TPM2: variants seen among roughly 807,000 people sequenced by gnomAD.
TPM2 encodes the protein tropomyosin 2, also known as tropomyosin beta chain.
Under a neutral mutation model 41.0 loss-of-function variants are expected in TPM2, and 26 were observed. The ratio of observed to expected loss-of-function variants is 0.63; its 90% CI spans 0.46 to 0.88. The LOEUF is 0.88. TPM2 is among the 40% of genes least tolerant of loss of function. The pLI is 0.00. For missense variants in TPM2, 187 were observed against 355.2 expected, an observed-to-expected ratio of 0.53 and a Z score of 3.81; for synonymous variants, 143 against 139.3, an observed-to-expected ratio of 1.03 and a Z score of -0.19.
chr9:35,689,007 G>A, intron 2 of TPM2, 139 bp downstream of exon 2: 1 of 1,018,756 alleles, frequency 9.8e-7, no homozygotes, highest in East Asian at 2.4e-5. Context: ...CCCTAGCCCT[G>A]GTTACTGAGA....
In TPM2 at chr9:35,689,827, G is replaced by C. The variant is rs372751531; in HGVS notation, c.-10C>G. On this transcript the variant is annotated 5_prime_UTR_variant, in exon 1 of 9. Coordinates refer to ENST00000645482, the MANE Select transcript of TPM2 (RefSeq NM_003289.4). Reference sequence around the variant, plus strand: ...TCTTGATGGCGTCCATGGCTGCGGTGGGGGGTGGGCCGGCCGGCAGGCGGT... The same window carrying C: ...TCTTGATGGCGTCCATGGCTGCGGTCGGGGGTGGGCCGGCCGGCAGGCGGT... 272 of 1,612,624 alleles carry C rather than the reference G, an allele frequency of 1.7e-4. No individual in the cohort carries two copies. In the South Asian group the frequency reaches 2.8e-3, roughly 17 times the overall value.
chr9:35,684,551 CT>C lies in TPM2; in HGVS notation c.640-2del. ...CATATTTATCTTCTTTGGTGGAATA[CT>C]TTTGGGGACACACACACGCCATCAG... On this transcript the variant is annotated splice_acceptor_variant, in intron 6 of 8. Transcript: ENST00000645482. LOFTEE classifies it high-confidence loss of function. The C allele has an allele frequency of 1.2e-6, 2 of 1,614,138 alleles. No homozygotes were observed. The highest frequency in any genetic ancestry group is 1.7e-6 in the Non-Finnish European group (2 of 1,180,008).
chr9:35,685,441 T>C lies in TPM2; in HGVS notation c.485A>G (p.Tyr162Cys). The change falls in exon 4 of 9, where the codon TAT becomes TGT. Residue 162 changes from tyrosine (Y) to cysteine (C), a missense_variant. Transcript: ENST00000645482. The surrounding 1 kb of genome is among the most constrained non-coding windows in gnomAD (Gnocchi z 5.0). ...GAGGGGCAAGGCTGTCACCTCTTCA[T>C]ATTTGCGGTCTGAATCCTCAGCGAT... The part of the protein sequence containing the change: ...KHIAEDSDRK[Y>C]EEVARKLVIL... 1 of 1,614,214 alleles carries C rather than the reference T, an allele frequency of 6.2e-7. No individual in the cohort carries two copies. The highest frequency in any genetic ancestry group is 8.5e-7 in the Non-Finnish European group (1 of 1,180,030).
chr9:35,689,909 G>A lies in TPM2; in HGVS notation c.-92C>T, dbSNP rs886063906. 1 of 1,603,622 alleles carries A rather than the reference G, an allele frequency of 6.2e-7. No homozygotes were observed. Among genetic ancestry groups the A allele is most frequent in the Non-Finnish European group, 8.5e-7 (1 of 1,177,196 alleles). On this transcript the variant is annotated 5_prime_UTR_variant, in exon 1 of 9. Transcript: ENST00000645482. ...ACTGGGTGCACCGGTGGCAGGCGAGGAGGACGGAGCGGGACTGGGACGTCC... is the reference window on the plus strand; with the variant it reads ...ACTGGGTGCACCGGTGGCAGGCGAGAAGGACGGAGCGGGACTGGGACGTCC...
intron 1 of TPM2, 62 bp from the exon 2 acceptor site, chr9:35,689,333 CGGT>C: frequency 6.2e-7 from 1 of 1,608,714 alleles, no homozygotes; most frequent in Non-Finnish European, 8.5e-7. Context: ...AATGGAGACG[CGGT>C]GTGTGTAGGG....
downstream of TPM2, chr9:35,682,384 G>A: frequency 2.9e-6 from 3 of 1,043,992 alleles, no homozygotes; most frequent in Non-Finnish European, 4.1e-6. Flanking sequence ...GGGTCATAGA[G>A]GTGGGGTGGG....
intron 5 of TPM2, 131 bp from the exon 6 acceptor site, chr9:35,684,938 G>T (rs749180286): frequency 1.2e-6 from 2 of 1,610,628 alleles, no homozygotes; most frequent in Admixed American, 3.3e-5. Context: ...AGCAGGCAGG[G>T]CTCAGAAGCC....
At chr9:35,683,517 G>A (rs753627503) in intron 8 of TPM2, among the ~76,000 whole-genome samples, 3 of 152,142 alleles carry the variant, frequency 2.0e-5, no homozygotes, top group South Asian at 2.1e-4. Context: ...CAATGCTCTC[G>A]ACAAGCAGGA....
At chr9:35,686,379 G>A (rs760402) in intron 2 of TPM2, 112,469 of 160,566 alleles carry the variant, frequency 0.7, 39,572 homozygotes, top group South Asian at 0.77. Context: ...GTTCCCTGTG[G>A]GAGCACTTCA....
intron 2 of TPM2, among the ~76,000 whole-genome samples, chr9:35,688,589 A>G (rs1211160713): frequency 6.6e-6 from 1 of 152,156 alleles, no homozygotes; most frequent in Non-Finnish European, 1.5e-5. Flanking sequence ...CCAGGCTGAC[A>G]GCTTAATGAG....
downstream of TPM2, chr9:35,682,732 G>A: frequency 7.6e-7 from 1 of 1,317,140 alleles, no homozygotes; most frequent in South Asian, 1.2e-5. Flanking sequence ...GGCCACACGT[G>A]CCCACATGCA....
In TPM2 at chr9:35,683,091, C is replaced by T; in HGVS notation, c.*68G>A. The T allele has an allele frequency of 6.4e-7, 1 of 1,551,716 alleles. No individual in the cohort carries two copies. The highest frequency in any genetic ancestry group is 8.7e-7 in the Non-Finnish European group (1 of 1,147,002). On this transcript the variant is annotated 3_prime_UTR_variant, in exon 9 of 9. Coordinates refer to ENST00000645482, the MANE Select transcript of TPM2 (RefSeq NM_003289.4). ...CAATTTCTGCTCCTCCTGCCTGCTC[C>T]CCTCCCCATAGAGAGAATGGAAAGG...
intron 1 of TPM2, 178 bp from the exon 2 acceptor site, chr9:35,689,449 C>T (rs972747920): frequency 2.3e-5 from 22 of 953,212 alleles, no homozygotes; most frequent in Non-Finnish European, 2.7e-5. Context: ...ACAGAGAAAA[C>T]TTCAGGCCCC....
intron 8 of TPM2, 59 bp from the exon 9 acceptor site, chr9:35,683,300 G>C: frequency 6.8e-7 from 1 of 1,477,932 alleles, no homozygotes; most frequent in Non-Finnish European, 9.3e-7. Flanking sequence ...TGGAGGGAAA[G>C]AGGAAAGGAA....
Position 35,685,635 on chromosome 9 carries a change from G to T in TPM2, c.374+12C>A, listed in dbSNP as rs766573867. ...TCCCTCCCGGACCATCCTCCCCGAG[G>T]CCCCTGACCACCTCTCGCTCTCATC... On this transcript the variant is annotated intron_variant, in intron 3 of 8. Coordinates refer to ENST00000645482, the MANE Select transcript of TPM2 (RefSeq NM_003289.4). The surrounding 1 kb of genome is among the most constrained non-coding windows in gnomAD (Gnocchi z 5.0). 6.2e-7 allele frequency: 1 copy of T among 1,614,114 alleles called. No individual in the cohort carries two copies. Among genetic ancestry groups the T allele is most frequent in the African/African-American group, 1.3e-5 (1 of 75,030 alleles).
upstream of TPM2, chr9:35,690,055 G>A (rs886063908): frequency 1.5e-4 from 195 of 1,337,768 alleles, 1 homozygote; most frequent in Admixed American, 6.5e-5. Context: ...GGGTGCGGCC[G>A]CCCCCTTCGC....
At chr9:35,686,784 G>GCT (rs1706057237) in intron 2 of TPM2, among the ~76,000 whole-genome samples, 1 of 152,216 alleles carries the variant, frequency 6.6e-6, no homozygotes, top group South Asian at 2.1e-4. Flanking sequence ...CCAGCAGAGA[G>GCT]CTGGGGGCAA....
At chr9:35,682,645 ACT>A, downstream of TPM2, 1 of 1,308,558 alleles carries the variant, frequency 7.6e-7, no homozygotes, top group East Asian at 5.5e-5. Context: ...CTTTCCAGTC[ACT>A]CTGTTTGATC....
Position 35,685,641 on chromosome 9 carries a change from G to C in TPM2, c.374+6C>G, listed in dbSNP as rs1405249142. On this transcript the variant is annotated splice_donor_region_variant and intron_variant, in intron 3 of 8. Coordinates refer to ENST00000645482, the MANE Select transcript of TPM2 (RefSeq NM_003289.4). This position sits in a 1 kb window ranked among gnomAD's most constrained non-coding sequence, Gnocchi z 5.0. Reference sequence around the variant, plus strand: ...CCGGACCATCCTCCCCGAGGCCCCTGACCACCTCTCGCTCTCATCAGCCGC... The same window carrying C: ...CCGGACCATCCTCCCCGAGGCCCCTCACCACCTCTCGCTCTCATCAGCCGC... 1.2e-6 allele frequency: 2 copies of C among 1,614,050 alleles called. No homozygotes were observed. The highest frequency in any genetic ancestry group is 1.7e-6 in the Non-Finnish European group (2 of 1,180,014).
Sources: gnomAD v4.1 joint callset for allele counts (sites outside exome capture counted in the v4.1 genomes callset) on GRCh38, gnomAD v4.1.1 for gene constraint, Gnocchi (gnomAD v3.1) non-coding constraint, MANE v1.5 for transcripts, NCBI Gene and HGNC (gene_info 2026-07-23, HGNC 2026-07-21) for gene names.